The following ABLIM1 variants were observed in gnomAD, a reference collection of about 807,000 sequenced individuals.
ABLIM1 encodes actin binding LIM protein 1.
Under a neutral mutation model 107.0 loss-of-function variants are expected in ABLIM1, and 40 were observed. The observed-to-expected ratio is 0.37, with a 90% confidence interval of 0.29 to 0.49. The LOEUF (loss-of-function observed/expected upper bound fraction) is 0.49. ABLIM1 is among the 20% of genes least tolerant of loss of function. ABLIM1 has a pLI of 0.97. For missense variants in ABLIM1, 857 were observed against 1,008.5 expected (o/e 0.85, Z 2.04); for synonymous variants, 357 against 357.3 (o/e 1.00, Z 0.01).
intron 1 of ABLIM1, among the ~76,000 whole-genome samples, chr10:114,653,266 G>A (rs146139237): frequency 2.3e-3 from 348 of 152,358 alleles, no homozygotes; most frequent in African/African-American, 7.7e-3. Context: ...CACAGGCGAG[G>A]TATGGTGGCT....
chr10:114,741,126 A>C (rs964310111), intron 1 of ABLIM1, among the ~76,000 whole-genome samples: 2 of 151,616 alleles, frequency 1.3e-5, no homozygotes, highest in Non-Finnish European at 2.9e-5. Context: ...TACTGTCTTA[A>C]GTACTTCGGA....
At chr10:114,452,539 G>GA (rs1156713455) in intron 13 of ABLIM1, among the ~76,000 whole-genome samples, 6 of 151,584 alleles carry the variant, frequency 4.0e-5, no homozygotes, top group African/African-American at 1.5e-4. Context: ...AGAAGCAAAA[G>GA]AAAAAAATGA....
At chr10:114,795,226 C>A in the ABLIM1 span, among the ~76,000 whole-genome samples, 1 of 152,156 alleles carries the variant, frequency 6.6e-6, no homozygotes, top group African/African-American at 2.4e-5. Context: ...ACACAAAGTG[C>A]CTTTCTGGCA....
At chr10:114,448,459 T>G (rs1451866624) in intron 14 of ABLIM1, among the ~76,000 whole-genome samples, 1 of 152,160 alleles carries the variant, frequency 6.6e-6, no homozygotes, top group African/African-American at 2.4e-5. Context: ...GACAACACTC[T>G]CCTAGAGTAA....
intron 2 of ABLIM1, among the ~76,000 whole-genome samples, chr10:114,589,399 C>T (rs1294222118): frequency 6.6e-6 from 1 of 151,572 alleles, no homozygotes; most frequent in Non-Finnish European, 1.5e-5. Flanking sequence ...TATGGTGGTG[C>T]ACACCTGTAA....
chr10:114,451,562 A>G, intron 14 of ABLIM1, 62 bp downstream of exon 14: 1 of 1,469,400 alleles, frequency 6.8e-7, no homozygotes, highest in Non-Finnish European at 9.5e-7. Context: ...TTCAGAGGAC[A>G]GCAAGGAGAA....
intron 1 of ABLIM1, among the ~76,000 whole-genome samples, chr10:114,747,389 C>T (rs1409725943): frequency 6.6e-6 from 1 of 152,156 alleles, no homozygotes; most frequent in African/African-American, 2.4e-5. Context: ...GTCGTATCTG[C>T]TGTGTGTGCC....
Position 114,435,706 on chromosome 10 carries a change from C to G in ABLIM1, c.*554G>C, listed in dbSNP as rs1407159515. The G allele has an allele frequency of 6.6e-6, 1 of 152,452 alleles. No individual in the cohort carries two copies. Among genetic ancestry groups the G allele is most frequent in the East Asian group, 1.9e-4 (1 of 5,208 alleles). 9.4% of individuals were successfully genotyped at this position (152,452 alleles called of 1,614,324 possible). Reference sequence around the variant, plus strand: ...TTTCACCCCATTCAAACAGAGCTGCCCTGTTCCCTGATGGAGTTCCATTCC... The same window carrying G: ...TTTCACCCCATTCAAACAGAGCTGCGCTGTTCCCTGATGGAGTTCCATTCC... On this transcript the variant is annotated 3_prime_UTR_variant, in exon 23 of 23. Transcript: ENST00000533213.
chr10:114,694,244 C>G (rs1194104991), intron 1 of ABLIM1, among the ~76,000 whole-genome samples: 1 of 152,194 alleles, frequency 6.6e-6, no homozygotes, highest in African/African-American at 2.4e-5. Flanking sequence ...CAAACCACAG[C>G]TGAGCTGTGT....
chr10:114,646,813 G>C (rs1397379482), intron 1 of ABLIM1, among the ~76,000 whole-genome samples: 1 of 152,122 alleles, frequency 6.6e-6, no homozygotes, highest in African/African-American at 2.4e-5. Context: ...GTTGGATCCT[G>C]TTTGCATCTT....
chr10:114,649,862 C>T (rs200034185), intron 1 of ABLIM1, among the ~76,000 whole-genome samples: 1 of 146,058 alleles, frequency 6.8e-6, no homozygotes, highest in East Asian at 2.0e-4. Flanking sequence ...TCTTTTTTTT[C>T]TTTTTTTTTT....
intron 1 of ABLIM1, among the ~76,000 whole-genome samples, chr10:114,607,012 C>A (rs916930510): frequency 2.0e-5 from 3 of 152,224 alleles, no homozygotes; most frequent in Admixed American, 2.0e-4. Flanking sequence ...CCCCAGCAGC[C>A]CAGGCCCTCA....
At chr10:114,554,169 GT>G (rs1195531505) in intron 4 of ABLIM1, among the ~76,000 whole-genome samples, 3 of 152,162 alleles carry the variant, frequency 2.0e-5, no homozygotes, top group South Asian at 2.1e-4. Flanking sequence ...AATAACGCCA[GT>G]TACATAACAC....
intron 1 of ABLIM1, among the ~76,000 whole-genome samples, chr10:114,612,446 G>A (rs2076871487): frequency 6.6e-6 from 1 of 152,148 alleles, no homozygotes; most frequent in South Asian, 2.1e-4. Context: ...TATCCAATCT[G>A]TGATATTCTG....
intron 6 of ABLIM1, among the ~76,000 whole-genome samples, chr10:114,527,952 C>T (rs1409457561): frequency 6.6e-6 from 1 of 152,144 alleles, no homozygotes; most frequent in African/African-American, 2.4e-5. Context: ...ATTCTCCTGC[C>T]TCAGCCTCCT....
At chr10:114,630,614 A>G (rs1173036032) in intron 1 of ABLIM1, among the ~76,000 whole-genome samples, 1 of 152,214 alleles carries the variant, frequency 6.6e-6, no homozygotes, top group East Asian at 1.9e-4. Context: ...TCATTAATAT[A>G]ATAGAATCAA....
intron 1 of ABLIM1, among the ~76,000 whole-genome samples, chr10:114,723,660 G>A (rs1449846473): frequency 1.3e-5 from 2 of 152,204 alleles, no homozygotes; most frequent in African/African-American, 2.4e-5. Context: ...CGCCTGACAT[G>A]CCTACATAAA....
chr10:114,674,805 G>T (rs1448204847), intron 1 of ABLIM1, among the ~76,000 whole-genome samples: 1 of 149,410 alleles, frequency 6.7e-6, no homozygotes, highest in South Asian at 2.1e-4. Flanking sequence ...AAATTTATAA[G>T]AATGCTCTGA....
chr10:114,443,672 T>TAAAAAAAAAAAA (rs11418258), intron 17 of ABLIM1, among the ~76,000 whole-genome samples: 4 of 107,378 alleles, frequency 3.7e-5, no homozygotes, highest in Non-Finnish European at 7.3e-5. Flanking sequence ...TCATGTTATC[T>TAAAAAAAAAAAA]AAAAAAAAAA....
Sources: allele counts gnomAD v4.1 joint callset (sites outside exome capture counted in the v4.1 genomes callset), GRCh38; gene constraint gnomAD v4.1.1; transcripts MANE v1.5; gene names NCBI Gene and HGNC (gene_info 2026-07-23, HGNC 2026-07-21).